The following ZFAND5 variants were observed in gnomAD, a reference collection of about 807,000 sequenced individuals.
ZFAND5 encodes the protein AN1-type zinc finger protein 5.
In ZFAND5, 4 loss-of-function variants were observed where a neutral mutation model predicts 23.6. The observed-to-expected ratio is 0.17, with a 90% CI of 0.08 to 0.39. ZFAND5 has a LOEUF of 0.39. Among genes scored for constraint, ZFAND5 ranks in the 10% least tolerant of loss-of-function variants. ZFAND5 has a pLI of 1.00. For synonymous variants in ZFAND5, 68 were observed against 80.6 expected, an observed-to-expected ratio of 0.84 and a Z score of 0.84; for missense variants, 161 against 253.7, an observed-to-expected ratio of 0.63 and a Z score of 2.48.
Position 72,354,407 on chromosome 9 carries a change from T to C in ZFAND5, c.*1546A>G, listed in dbSNP as rs1841875998. On this transcript the variant is annotated 3_prime_UTR_variant, in exon 7 of 7. Coordinates refer to ENST00000376962, the MANE Select transcript of ZFAND5 (RefSeq NM_001102420.3). ...CATGTAAAGTAACATTTTCTAATTT[T>C]CCCCCTTTAGGACTCCAACTATGGC... The C allele has an allele frequency of 1.3e-5, 2 of 152,576 alleles. No homozygotes were observed. Among genetic ancestry groups the C allele is most frequent in the Admixed American group, 6.5e-5 (1 of 15,274 alleles). The allele number at this position is 152,576 out of a possible 1,614,324, so 9.5% of individuals were successfully genotyped here. A position where few individuals can be genotyped will look rare whatever the true frequency, so the allele number is the denominator to read the frequency against.
rs550491831 is a variant in ZFAND5 at position 72,353,091 on chromosome 9, G to T, written c.*2862C>A. On this transcript the variant is annotated 3_prime_UTR_variant, in exon 7 of 7. Coordinates refer to ENST00000376962, the MANE Select transcript of ZFAND5 (RefSeq NM_001102420.3). ...AAAAGGACTCACCCATTTATACTGCGAATTCATGTGGTCACAGCCTAACAA... is the reference window on the plus strand; with the variant it reads ...AAAAGGACTCACCCATTTATACTGCTAATTCATGTGGTCACAGCCTAACAA... The T allele has an allele frequency of 6.6e-6, 1 of 152,214 alleles. No homozygotes were observed. The highest frequency in any genetic ancestry group is 6.5e-5 in the Admixed American group (1 of 15,282). 9.4% of individuals were successfully genotyped at this position (152,214 alleles called of 1,614,324 possible). A position where few individuals can be genotyped will look rare whatever the true frequency, so the allele number is the denominator to read the frequency against.
intron 4 of ZFAND5, 85 bp from the exon 5 acceptor site, chr9:72,359,606 T>A: frequency 8.0e-7 from 1 of 1,252,402 alleles, no homozygotes; most frequent in Non-Finnish European, 1.1e-6. Flanking sequence ...AACTTTAAAT[T>A]ATAGAATATT....
In ZFAND5 at chr9:72,354,548, C is replaced by T. The variant is rs918358715; in HGVS notation, c.*1405G>A. 3 of 152,556 alleles carry T rather than the reference C, an allele frequency of 2.0e-5. No individual in the cohort carries two copies. Among genetic ancestry groups the T allele is most frequent in the Non-Finnish European group, 4.4e-5 (3 of 68,028 alleles). 9.5% of individuals were successfully genotyped at this position (152,556 alleles called of 1,614,324 possible). A position where few individuals can be genotyped will look rare whatever the true frequency, so the allele number is the denominator to read the frequency against. On this transcript the variant is annotated 3_prime_UTR_variant, in exon 7 of 7. Transcript: ENST00000376962. ...ATTATGTGCAATACATAAATATGAA[C>T]TATCTGTACACATCTGCAGGTCTAA...
intron 5 of ZFAND5, among the ~76,000 whole-genome samples, chr9:72,358,622 C>T (rs1842009323): frequency 6.6e-6 from 1 of 152,074 alleles, no homozygotes; most frequent in Non-Finnish European, 1.5e-5. Context: ...ATTCACCTGC[C>T]AAACTTGAGA....
intron 3 of ZFAND5, 136 bp downstream of exon 3, chr9:72,360,492 T>A (rs900588790): frequency 5.1e-6 from 6 of 1,168,318 alleles, no homozygotes; most frequent in Non-Finnish European, 1.2e-6. Flanking sequence ...TGTCAAGCAC[T>A]TGGGCTGTTG....
At position 72,353,399 on chromosome 9, in the gene ZFAND5, G is replaced by GGT. The variant is rs1841833315; in HGVS notation, c.*2552_*2553dup. On this transcript the variant is annotated 3_prime_UTR_variant, in exon 7 of 7. Transcript: ENST00000376962. ...AAAAACAAAAAAAACTGATTGGCCG[G>GGT]GTGCGGTGCCTCACGCCTGTAATCC... 1 of 152,306 alleles carries GGT rather than the reference G, an allele frequency of 6.6e-6. No individual in the cohort carries two copies. Among genetic ancestry groups the GGT allele is most frequent in the Admixed American group, 6.5e-5 (1 of 15,272 alleles). The allele number at this position is 152,306 out of a possible 1,614,324, so 9.4% of individuals were successfully genotyped here. A position where few individuals can be genotyped will look rare whatever the true frequency, so the allele number is the denominator to read the frequency against.
chr9:72,363,770 A>C, intron 1 of ZFAND5, 164 bp from the exon 2 acceptor site: 1 of 454,792 alleles, frequency 2.2e-6, no homozygotes, highest in Non-Finnish European at 2.9e-6. Flanking sequence ...TAAGGAATAA[A>C]ATACATTCGT....
chr9:72,364,477 G>T, intron 1 of ZFAND5: 1 of 1,280,010 alleles, frequency 7.8e-7, no homozygotes. Context: ...TGTGGAGCGA[G>T]CCAGGGACGC....
Position 72,355,398 on chromosome 9 carries a change from C to T in ZFAND5, c.*555G>A, listed in dbSNP as rs1479063568. The T allele has an allele frequency of 1.3e-5, 2 of 152,616 alleles. No individual in the cohort carries two copies. Among genetic ancestry groups the T allele is most frequent in the Non-Finnish European group, 2.9e-5 (2 of 68,040 alleles). The allele number at this position is 152,616 out of a possible 1,614,324, so 9.5% of individuals were successfully genotyped here. A position where few individuals can be genotyped will look rare whatever the true frequency, so the allele number is the denominator to read the frequency against. On this transcript the variant is annotated 3_prime_UTR_variant, in exon 7 of 7. Transcript: ENST00000376962. ...TGACAGCTTTAGATGACCAATTTAA[C>T]CAGGCTTATATATGGCGCCAAATAC...
chr9:72,360,606 T>C, intron 3 of ZFAND5, 22 bp downstream of exon 3: 1 of 1,612,780 alleles, frequency 6.2e-7, no homozygotes, highest in Non-Finnish European at 8.5e-7. Flanking sequence ...TTCAAATGTG[T>C]TTTTCCTTGG....
intron 5 of ZFAND5, among the ~76,000 whole-genome samples, chr9:72,359,155 T>C (rs972160856): frequency 3.3e-5 from 5 of 152,088 alleles, no homozygotes; most frequent in Admixed American, 3.3e-4. Flanking sequence ...ACACATCCAA[T>C]CTCCAGATTA....
rs751936064 is a variant in ZFAND5 at position 72,359,505 on chromosome 9, C to T, written c.280G>A (p.Ala94Thr). ...GTCATTTGCTGAGTTACAGGCAAGG[C>T]AGCCACAGGCACATTTCTATTTGAG... The part of the protein sequence containing the change: ...SEKSRNVPVA[A>T]LPVTQQMTEM... Residue 94 changes from alanine to threonine, a missense_variant, in exon 5 of 7, where the codon GCC becomes ACC. By Grantham distance (58) the Ala-to-Thr change is moderately conservative (BLOSUM62 0). Transcript: ENST00000376962. 1.9e-6 allele frequency: 3 copies of T among 1,613,628 alleles called. No homozygotes were observed. Among genetic ancestry groups the T allele is most frequent in the Non-Finnish European group, 1.7e-6 (2 of 1,179,682 alleles).
In ZFAND5 at chr9:72,364,218, G is replaced by A. The variant is rs998103198; in HGVS notation, c.-147+478C>T. On this transcript the variant is annotated intron_variant, in intron 1 of 6. Coordinates refer to ENST00000376962, the MANE Select transcript of ZFAND5 (RefSeq NM_001102420.3). The stretch of plus-strand genomic sequence containing the variant: ...AACCACTGAGTCATGCAGAACAGCA[G>A]CTCAGCAGGCCCGGCCAGCCCTTCG... 2.6e-5 allele frequency: 8 copies of A among 302,422 alleles called. No homozygotes were observed. The East Asian group carries it at 1.0e-3, about 39-fold the overall frequency. The allele number at this position is 302,422 out of a possible 1,614,324, so 18.7% of individuals were successfully genotyped here.
Position 72,357,018 on chromosome 9 carries a change from T to A in ZFAND5, c.406A>T (p.Thr136Ser), listed in dbSNP as rs1841963055. 5 of 1,613,636 alleles carry A rather than the reference T, an allele frequency of 3.1e-6. No individual in the cohort carries two copies. The South Asian group carries it at 5.5e-5, about 18-fold the overall frequency. The change falls in exon 6 of 7, where the codon ACT (threonine) becomes TCT (serine). Residue 136 changes from threonine to serine, a missense_variant. Physicochemically the swap from Thr to Ser is moderately conservative, Grantham distance 58. Transcript: ENST00000376962. Reference sequence around the variant, plus strand: ...GGAGCTTTTTCTTCACTCTGAGAAGTACTGGGCTGAGAAACTGATGGACTG... The same window carrying A: ...GGAGCTTTTTCTTCACTCTGAGAAGAACTGGGCTGAGAAACTGATGGACTG... ...QPSPSVSQPS[T>S]SQSEEKAPEL...
At position 72,364,475 on chromosome 9, in the gene ZFAND5, G is replaced by C. The variant is rs11143280; in HGVS notation, c.-147+221C>G. 8.9e-3 allele frequency: 11,343 copies of C among 1,279,486 alleles called. 378 individuals carry two copies. In the East Asian group the frequency reaches 0.2, roughly 23 times the overall value. 79.3% of individuals were successfully genotyped at this position (1,279,486 alleles called of 1,614,324 possible). A position where few individuals can be genotyped will look rare whatever the true frequency, so the allele number is the denominator to read the frequency against. Reference sequence around the variant, plus strand: ...TTGTTTCCCGACCGTGCTGTGGAGCGAGCCAGGGACGCCGGGAGCCAGGTC... The same window carrying C: ...TTGTTTCCCGACCGTGCTGTGGAGCCAGCCAGGGACGCCGGGAGCCAGGTC... On this transcript the variant is annotated intron_variant, in intron 1 of 6. Transcript: ENST00000376962.
intron 6 of ZFAND5, 114 bp downstream of exon 6, chr9:72,356,817 G>T (rs1024017464): frequency 8.3e-6 from 10 of 1,200,084 alleles, no homozygotes; most frequent in Non-Finnish European, 9.8e-6. Flanking sequence ...ACTACAGCTA[G>T]TCAGGCTTTT....
chr9:72,362,482 A>G (rs1359797860), intron 2 of ZFAND5, among the ~76,000 whole-genome samples: 1 of 152,154 alleles, frequency 6.6e-6, no homozygotes. Flanking sequence ...TTGGCTTTAA[A>G]GTTTAAGGCC....
rs1469145846 is a variant in ZFAND5 at position 72,351,721 on chromosome 9, A to G, written c.*4232T>C. On this transcript the variant is annotated 3_prime_UTR_variant, in exon 7 of 7. Coordinates refer to ENST00000376962, the MANE Select transcript of ZFAND5 (RefSeq NM_001102420.3). ...TTTCCCATCTTAGACTGTGATGTCA[A>G]CTGGCAAGGGCTGGCTGTTGGCCGA... 1 of 152,100 alleles carries G rather than the reference A, an allele frequency of 6.6e-6. No individual in the cohort carries two copies. Among genetic ancestry groups the G allele is most frequent in the South Asian group, 2.1e-4 (1 of 4,826 alleles). 9.4% of individuals were successfully genotyped at this position (152,100 alleles called of 1,614,324 possible).
intron 6 of ZFAND5, among the ~76,000 whole-genome samples, chr9:72,356,339 G>T (rs1167584966): frequency 1.3e-5 from 2 of 152,184 alleles, no homozygotes; most frequent in Admixed American, 6.5e-5. Flanking sequence ...AAATAACTAT[G>T]TTCAGTCTTT....
Sources: gnomAD v4.1 joint callset for allele counts (sites outside exome capture counted in the v4.1 genomes callset) on GRCh38, gnomAD v4.1.1 for gene constraint, MANE v1.5 for transcripts, NCBI Gene and HGNC (gene_info 2026-07-23, HGNC 2026-07-21) for gene names.